The following SLC25A21 variants were observed in gnomAD, a reference collection of about 807,000 sequenced individuals.
SLC25A21 encodes the protein mitochondrial 2-oxodicarboxylate carrier.
A neutral mutation model predicts 43.8 loss-of-function variants in SLC25A21; 47 were observed. That is an observed-to-expected ratio of 1.07 (90% CI 0.85 to 1.37). SLC25A21 has a LOEUF of 1.37. Among genes scored for constraint, SLC25A21 ranks in the 40% most tolerant of loss-of-function variants. SLC25A21 has a pLI of 0.00. For missense variants in SLC25A21, 352 were observed against 350.2 expected, an observed-to-expected ratio of 1.00 and a Z score of -0.04; for synonymous variants, 131 against 121.3, an observed-to-expected ratio of 1.08 and a Z score of -0.52.
chr14:36,789,920 T>C (rs1204973179), intron 3 of SLC25A21, among the ~76,000 whole-genome samples: 2 of 125,002 alleles, frequency 1.6e-5, no homozygotes, highest in East Asian at 4.1e-4. Flanking sequence ...ATATATTATA[T>C]ATTTATATAT....
At chr14:37,023,646 A>T (rs2138757505) in intron 1 of SLC25A21, among the ~76,000 whole-genome samples, 1 of 152,016 alleles carries the variant, frequency 6.6e-6, no homozygotes, top group Non-Finnish European at 1.5e-5. Context: ...TGGCCTTTAC[A>T]ATCTCAAGTG....
In SLC25A21 at chr14:37,165,151, C is replaced by T. The variant is rs901476114; in HGVS notation, c.70+7130G>A. 2.0e-3 allele frequency among the ~76,000 whole-genome samples: 304 copies of T among 151,890 alleles called. 2 individuals are homozygous for T. The highest frequency in any genetic ancestry group is 6.9e-3 in the African/African-American group (287 of 41,492). On this transcript the variant is annotated intron_variant, in intron 1 of 9. Coordinates refer to ENST00000331299, the MANE Select transcript of SLC25A21 (RefSeq NM_030631.4). ...CAGCACTTTGGGAGGCTGTGGCGGG[C>T]GGATCACTTGAGGTCAGGAGTTTGA...
At chr14:36,754,476 G>A (rs1885846559) in intron 3 of SLC25A21, among the ~76,000 whole-genome samples, 1 of 152,134 alleles carries the variant, frequency 6.6e-6, no homozygotes, top group Non-Finnish European at 1.5e-5. Flanking sequence ...AATAAGATTC[G>A]ATGAGAGTTG....
At chr14:37,143,109 AAC>A (rs2138922371) in intron 1 of SLC25A21, among the ~76,000 whole-genome samples, 1 of 152,342 alleles carries the variant, frequency 6.6e-6, no homozygotes, top group East Asian at 1.9e-4. Flanking sequence ...CAGCTGAAAA[AAC>A]AGTTTGCCTG....
intron 2 of SLC25A21, among the ~76,000 whole-genome samples, chr14:36,817,501 G>A (rs894728792): frequency 6.6e-6 from 1 of 152,154 alleles, no homozygotes; most frequent in Non-Finnish European, 1.5e-5. Context: ...TTGGGAAAAT[G>A]TTACAGTACT....
At chr14:36,987,734 G>A (rs1566794229) in intron 1 of SLC25A21, among the ~76,000 whole-genome samples, 1 of 151,968 alleles carries the variant, frequency 6.6e-6, no homozygotes, top group Non-Finnish European at 1.5e-5. Flanking sequence ...TGTTCTAAAG[G>A]ATATTTTTGT....
intron 1 of SLC25A21, among the ~76,000 whole-genome samples, chr14:36,890,116 T>C (rs930769083): frequency 6.6e-6 from 1 of 151,982 alleles, no homozygotes; most frequent in Non-Finnish European, 1.5e-5. Context: ...AGAGTGAGGA[T>C]AAGGAAGGGG....
At chr14:36,700,924 G>A (rs1883254186) in intron 7 of SLC25A21, among the ~76,000 whole-genome samples, 1 of 152,180 alleles carries the variant, frequency 6.6e-6, no homozygotes, top group Non-Finnish European at 1.5e-5. Flanking sequence ...TGAAAATGAT[G>A]TGGTGCATTG....
chr14:36,807,137 G>A (rs76141591), intron 3 of SLC25A21: 2 of 152,302 alleles, frequency 1.3e-5, no homozygotes, highest in Admixed American at 6.5e-5. Context: ...CCCAATAATC[G>A]ACACAAAATG....
chr14:37,159,001 A>T (rs878989944), intron 1 of SLC25A21, among the ~76,000 whole-genome samples: 3 of 152,128 alleles, frequency 2.0e-5, no homozygotes, highest in African/African-American at 4.8e-5. Flanking sequence ...TAAAACATAT[A>T]AAATACCTGG....
At chr14:36,744,034 A>C (rs1191377605) in intron 3 of SLC25A21, among the ~76,000 whole-genome samples, 2 of 152,198 alleles carry the variant, frequency 1.3e-5, no homozygotes, top group East Asian at 3.8e-4. Context: ...GAAAAGAATC[A>C]TAGATGACAC....
At chr14:37,105,149 G>A (rs1962887158) in intron 1 of SLC25A21, among the ~76,000 whole-genome samples, 1 of 152,178 alleles carries the variant, frequency 6.6e-6, no homozygotes, top group African/African-American at 2.4e-5. Flanking sequence ...AACAGCAGAG[G>A]CAGACCTTAG....
chr14:37,014,928 T>C (rs1960813354), intron 1 of SLC25A21, among the ~76,000 whole-genome samples: 1 of 152,106 alleles, frequency 6.6e-6, no homozygotes, highest in African/African-American at 2.4e-5. Context: ...TTCTTGGCAG[T>C]AGGTCTTCAT....
chr14:36,876,011 CAAGGT>C (rs1270967863), intron 1 of SLC25A21, among the ~76,000 whole-genome samples: 1 of 152,092 alleles, frequency 6.6e-6, no homozygotes, highest in Non-Finnish European at 1.5e-5. Context: ...AACGAATGGA[CAAGGT>C]AAGTATCATT....
intron 1 of SLC25A21, among the ~76,000 whole-genome samples, chr14:36,944,810 A>G (rs1196979233): frequency 6.6e-6 from 1 of 152,190 alleles, no homozygotes; most frequent in Non-Finnish European, 1.5e-5. Context: ...CACTGACCCA[A>G]GATGAGATGC....
chr14:36,881,144 C>T (rs976511334), intron 1 of SLC25A21, among the ~76,000 whole-genome samples: 4 of 152,178 alleles, frequency 2.6e-5, no homozygotes, highest in Non-Finnish European at 4.4e-5. Flanking sequence ...TGACTGCTTA[C>T]GTTTATCCCA....
chr14:37,011,238 G>C (rs964426159), intron 1 of SLC25A21, among the ~76,000 whole-genome samples: 2 of 151,998 alleles, frequency 1.3e-5, no homozygotes, highest in African/African-American at 4.8e-5. Flanking sequence ...GCTGAGGCTG[G>C]TCTCAAACTC....
intron 1 of SLC25A21, among the ~76,000 whole-genome samples, chr14:37,146,670 A>C (rs1203802567): frequency 6.6e-6 from 1 of 152,234 alleles, no homozygotes. Flanking sequence ...AGTATTATGC[A>C]TTCATTCTTA....
chr14:37,078,570 T>TA (rs771501064), intron 1 of SLC25A21, among the ~76,000 whole-genome samples: 2 of 152,070 alleles, frequency 1.3e-5, no homozygotes, highest in Non-Finnish European at 2.9e-5. Flanking sequence ...AATAAGCAGT[T>TA]AAAAAAAGAG....
Sources: allele counts gnomAD v4.1 joint callset (sites outside exome capture counted in the v4.1 genomes callset), GRCh38; gene constraint gnomAD v4.1.1; transcripts MANE v1.5; gene names NCBI Gene and HGNC (gene_info 2026-07-23, HGNC 2026-07-21).